Variants in TTC19 observed in about 807,000 individuals in gnomAD.
The protein encoded by TTC19 is tetratricopeptide repeat protein 19, mitochondrial.
TTC19 carries 38 observed loss-of-function variants against 49.5 expected under a neutral mutation model. That is an observed-to-expected ratio of 0.77 (90% confidence interval 0.59 to 1.01). The LOEUF is 1.01. TTC19 is among the 50% of genes least tolerant of loss of function. The pLI is 0.00. For synonymous variants in TTC19, 204 were observed against 185.2 expected (o/e 1.10, Z -0.83); for missense variants, 475 against 477.7 (o/e 0.99, Z 0.05).
chr17:16,022,495 A>G (rs577129561), intron 7 of TTC19, among the ~76,000 whole-genome samples: 12 of 152,300 alleles, frequency 7.9e-5, no homozygotes, highest in African/African-American at 2.6e-4. Flanking sequence ...TGGGCAACAA[A>G]TATCTCTAGT....
chr17:16,016,574 T>C (rs949266273), intron 7 of TTC19, among the ~76,000 whole-genome samples: 1 of 148,894 alleles, frequency 6.7e-6, no homozygotes, highest in Non-Finnish European at 1.5e-5. Flanking sequence ...TTTTTTTTTT[T>C]TGGGATGGAG....
intron 7 of TTC19, among the ~76,000 whole-genome samples, chr17:16,017,675 C>T (rs553727046): frequency 1.1e-4 from 16 of 151,158 alleles, no homozygotes; most frequent in African/African-American, 3.6e-4. Context: ...GCAGGAGAAT[C>T]GCATGAACCT....
At chr17:16,029,993 C>T (rs1597479378), downstream of TTC19, 1 of 166,916 alleles carries the variant, frequency 6.0e-6, no homozygotes, top group South Asian at 2.0e-4. Context: ...GGGGCATAGA[C>T]CCCCTAAGTA....
At chr17:16,017,392 T>C (rs1218680618) in intron 7 of TTC19, among the ~76,000 whole-genome samples, 1 of 137,772 alleles carries the variant, frequency 7.3e-6, no homozygotes, top group Non-Finnish European at 1.5e-5. Context: ...GAGCTTGCAG[T>C]GAGCCGAGAT....
intron 7 of TTC19, among the ~76,000 whole-genome samples, chr17:16,021,369 C>CA (rs1356874401): frequency 4.6e-5 from 7 of 152,214 alleles, no homozygotes; most frequent in Admixed American, 4.6e-4. Flanking sequence ...GCCTGGGCGA[C>CA]AGAGTGAGAC....
rs369667625 is a variant in TTC19 at position 16,026,871 on chromosome 17, T to C, written c.994+169T>C. On this transcript the variant is annotated intron_variant, in intron 9 of 9. Coordinates refer to ENST00000261647, the MANE Select transcript of TTC19 (RefSeq NM_017775.4). Reference sequence around the variant, plus strand: ...AGGTATTGATTAGGTTGAAGTACTATTGTGTTCAATTCACGTAACTTCTAC... The same window carrying C: ...AGGTATTGATTAGGTTGAAGTACTACTGTGTTCAATTCACGTAACTTCTAC... The C allele has an allele frequency of 3.3e-5, 25 of 747,536 alleles. No individual in the cohort carries two copies. In the Admixed American group the frequency reaches 3.7e-4, roughly 11 times the overall value. The allele number at this position is 747,536 out of a possible 1,614,324, so 46.3% of individuals were successfully genotyped here.
At chr17:16,004,092 A>C in intron 5 of TTC19, 109 bp from the exon 6 acceptor site, 2 of 1,235,186 alleles carry the variant, frequency 1.6e-6, no homozygotes, top group Non-Finnish European at 2.4e-6. Context: ...TCACTCTAAA[A>C]GAATAAAGAC....
At chr17:16,000,086 G>C (rs763914668) in intron 1 of TTC19, 32 bp from the exon 2 acceptor site, 2 of 1,432,618 alleles carry the variant, frequency 1.4e-6, no homozygotes, top group Non-Finnish European at 1.8e-6. Flanking sequence ...GGCGCGGGCC[G>C]GGCCCGATGA....
intron 7 of TTC19, 74 bp from the exon 8 acceptor site, chr17:16,024,943 C>A: frequency 7.3e-7 from 1 of 1,368,550 alleles, no homozygotes; most frequent in Non-Finnish European, 1.0e-6. Context: ...ATGTGGGTCC[C>A]ATTCTGCTGA....
At chr17:16,043,738 C>T (rs570117600) in intron 2 of TTC19, among the ~76,000 whole-genome samples, 3 of 152,282 alleles carry the variant, frequency 2.0e-5, no homozygotes, top group South Asian at 2.1e-4. Flanking sequence ...TCTAGCTCTC[C>T]GTGCTCACAC....
chr17:16,024,736 T>C, intron 7 of TTC19: 1 of 433,182 alleles, frequency 2.3e-6, no homozygotes, highest in Non-Finnish European at 4.2e-6. Flanking sequence ...TGTTGTTAAC[T>C]CATTCTTCTT....
intron 7 of TTC19, among the ~76,000 whole-genome samples, chr17:16,022,604 T>G (rs190899364): frequency 6.2e-4 from 95 of 152,360 alleles, no homozygotes; most frequent in African/African-American, 2.2e-3. Flanking sequence ...TTAGAGATGC[T>G]CTTTTGCTAT....
rs1275285032 is a variant in TTC19 at position 16,028,299 on chromosome 17, ACAGCC to A, written c.*781_*785del. On this transcript the variant is annotated 3_prime_UTR_variant, in exon 10 of 10. Coordinates refer to ENST00000261647, the MANE Select transcript of TTC19 (RefSeq NM_017775.4). ...CATCTCAAGTACTCTTTAAGGACAC[ACAGCC>A]CAGGCTGTTCTGAGTCAGAATAGGC... 2 of 454,006 alleles carry A rather than the reference ACAGCC, an allele frequency of 4.4e-6. No individual in the cohort carries two copies. Among genetic ancestry groups the A allele is most frequent in the African/African-American group, 4.0e-5 (2 of 50,016 alleles). The allele number at this position is 454,006 out of a possible 1,614,324, so 28.1% of individuals were successfully genotyped here.
rs926955965 is a variant in TTC19 at position 16,025,277 on chromosome 17, T to C, written c.831+106T>C. ...AACAGGATCAGCAGATGGTCCTAGA[T>C]CCTCCTTGGTCCCCAGTCTACTCAT... On this transcript the variant is annotated intron_variant, in intron 8 of 9. Coordinates refer to ENST00000261647, the MANE Select transcript of TTC19 (RefSeq NM_017775.4). The C allele has an allele frequency of 7.9e-6, 9 of 1,135,300 alleles. No homozygotes were observed. In the Admixed American group the frequency reaches 1.8e-4, roughly 23 times the overall value. The allele number at this position is 1,135,300 out of a possible 1,614,324, so 70.3% of individuals were successfully genotyped here. A position where few individuals can be genotyped will look rare whatever the true frequency, so the allele number is the denominator to read the frequency against.
intron 2 of TTC19, among the ~76,000 whole-genome samples, chr17:16,044,250 G>A (rs993677250): frequency 6.6e-6 from 1 of 151,266 alleles, no homozygotes; most frequent in Non-Finnish European, 1.5e-5. Flanking sequence ...TAAAATATTT[G>A]TCTTTTATTT....
chr17:16,042,080 C>T (rs2057812878), intron 2 of TTC19, among the ~76,000 whole-genome samples: 1 of 152,154 alleles, frequency 6.6e-6, no homozygotes, highest in Non-Finnish European at 1.5e-5. Flanking sequence ...GACTCTTACC[C>T]AAGGGCTGAG....
chr17:16,000,394 G>A (rs1367513044), intron 2 of TTC19, 149 bp downstream of exon 2: 1 of 1,497,766 alleles, frequency 6.7e-7, no homozygotes, highest in Non-Finnish European at 8.9e-7. Flanking sequence ...TGGGTCATCC[G>A]AGAGGGGATT....
chr17:16,000,464 T>C, intron 2 of TTC19: 1 of 1,352,716 alleles, frequency 7.4e-7, no homozygotes, highest in South Asian at 1.6e-5. Context: ...CAGTGTCAAG[T>C]GCAAATGGAG....
rs1156298044 is a variant in TTC19 at position 16,025,116 on chromosome 17, T to G, written c.776T>G (p.Met259Arg). The stretch of plus-strand genomic sequence containing the variant: ...AAGCAGCCGTCACAGGCACAAAGGA[T>G]GTATGAAAAAGCTCTGCAGATTTCT... The part of the protein sequence containing the change: ...FSKQPSQAQR[M>R]YEKALQISEE... The change falls in exon 8 of 10, where the codon ATG becomes AGG. Residue 259 changes from methionine to arginine, a missense_variant. By Grantham distance (91) the Met-to-Arg change is moderately conservative. Transcript: ENST00000261647. 1 of 1,613,764 alleles carries G rather than the reference T, an allele frequency of 6.2e-7. No homozygotes were observed. Among genetic ancestry groups the G allele is most frequent in the Non-Finnish European group, 8.5e-7 (1 of 1,179,884 alleles).
Sources: gnomAD v4.1 joint callset for allele counts (sites outside exome capture counted in the v4.1 genomes callset) on GRCh38, gnomAD v4.1.1 for gene constraint, MANE v1.5 for transcripts, NCBI Gene and HGNC (gene_info 2026-07-23, HGNC 2026-07-21) for gene names.